The following HERC4 variants were observed in gnomAD, a reference collection of about 807,000 sequenced individuals.
The protein encoded by HERC4 is probable E3 ubiquitin-protein ligase HERC4.
A neutral mutation model predicts 124.3 loss-of-function variants in HERC4; 28 were observed. The ratio of observed to expected loss-of-function variants is 0.23; its 90% confidence interval spans 0.17 to 0.31. The LOEUF (loss-of-function observed/expected upper bound fraction) is 0.31, where lower values mean the gene tolerates loss of function less well. Among genes scored for constraint, HERC4 ranks in the 10% least tolerant of loss-of-function variants. The pLI is 1.00. For missense variants in HERC4, 713 were observed against 1,229.3 expected, an observed-to-expected ratio of 0.58 and a Z score of 6.28; for synonymous variants, 407 against 421.5, an observed-to-expected ratio of 0.97 and a Z score of 0.42.
chr10:68,026,835 C>T (rs977747066), intron 7 of HERC4, among the ~76,000 whole-genome samples: 6 of 149,750 alleles, frequency 4.0e-5, no homozygotes, highest in Admixed American at 2.0e-4. Flanking sequence ...AGAAAGACTC[C>T]GTCTCAAAAA....
intron 3 of HERC4, chr10:68,070,086 A>C: frequency 1.0e-6 from 1 of 984,882 alleles, no homozygotes; most frequent in African/African-American, 1.7e-5. Flanking sequence ...CCTCCTGGGA[A>C]ATGAACTATG....
intron 20 of HERC4, 51 bp from the exon 21 acceptor site, chr10:67,939,705 G>T: frequency 1.8e-6 from 2 of 1,083,006 alleles, no homozygotes; most frequent in Non-Finnish European, 2.7e-6. Flanking sequence ...TGGATATTTT[G>T]ACTATTTTAC....
At chr10:67,927,416 ATATATATATATATATTTTTT>A (rs1333971771) in intron 23 of HERC4, among the ~76,000 whole-genome samples, 43 of 8,972 alleles carry the variant, frequency 4.8e-3, no homozygotes, top group African/African-American at 0.016. Flanking sequence ...ATATATATAT[ATATATATATATATATTTTTT>A]TTTTTTTTTA....
chr10:68,000,251 G>A lies in HERC4; in HGVS notation c.1070-7569C>T, dbSNP rs774223535. Among the ~76,000 whole-genome samples, 3 of 151,984 alleles carry A rather than the reference G, an allele frequency of 2.0e-5. No homozygotes were observed. The East Asian group carries it at 5.8e-4, about 29-fold the overall frequency. ...GTAAAGATTAGCTCAGCAGGTTTGG[G>A]GTATTCCTATGGATTGAACTGGGTC... is the stretch of plus-strand genomic sequence containing the variant. On this transcript the variant is annotated intron_variant, in intron 9 of 24. Coordinates refer to ENST00000373700, the MANE Select transcript of HERC4 (RefSeq NM_015601.4).
At chr10:68,022,988 G>T (rs540607132) in intron 8 of HERC4, among the ~76,000 whole-genome samples, 1 of 151,368 alleles carries the variant, frequency 6.6e-6, no homozygotes, top group South Asian at 2.1e-4. Flanking sequence ...CATGTTACAC[G>T]TATTAAAATA....
chr10:68,054,686 T>C (rs1213234712), intron 3 of HERC4, among the ~76,000 whole-genome samples: 2 of 152,116 alleles, frequency 1.3e-5, no homozygotes, highest in East Asian at 3.8e-4. Context: ...TATTAATCAC[T>C]TGGGATTAGT....
At position 68,073,172 on chromosome 10, in the gene HERC4, G is replaced by A. The variant is rs2041650235; in HGVS notation, c.-64C>T. 1 of 1,278,334 alleles carries A rather than the reference G, an allele frequency of 7.8e-7. No individual in the cohort carries two copies. Among genetic ancestry groups the A allele is most frequent in the Non-Finnish European group, 1.1e-6 (1 of 897,034 alleles). 79.2% of individuals were successfully genotyped at this position (1,278,334 alleles called of 1,614,324 possible). A position where few individuals can be genotyped will look rare whatever the true frequency, so the allele number is the denominator to read the frequency against. On this transcript the variant is annotated 5_prime_UTR_variant, in exon 3 of 25. Coordinates refer to ENST00000373700, the MANE Select transcript of HERC4 (RefSeq NM_015601.4). ...TTCTCTTCTGAAACCCCGGAAAGTT[G>A]GAGGTACCCTATGTCTGAGGAAATA... is the stretch of plus-strand genomic sequence containing the variant.
intron 16 of HERC4, among the ~76,000 whole-genome samples, chr10:67,959,930 T>C (rs2034396697): frequency 6.6e-6 from 1 of 152,158 alleles, no homozygotes; most frequent in African/African-American, 2.4e-5. Context: ...CGGTGCCTTG[T>C]GTTGTGAGGA....
chr10:67,996,759 T>C (rs1025205138), intron 9 of HERC4, among the ~76,000 whole-genome samples: 1 of 151,598 alleles, frequency 6.6e-6, no homozygotes, highest in East Asian at 1.9e-4. Flanking sequence ...CCAAGGTGGG[T>C]GGATCATGAG....
intron 3 of HERC4, among the ~76,000 whole-genome samples, chr10:68,059,581 T>G (rs1312688573): frequency 1.9e-5 from 2 of 105,268 alleles, no homozygotes; most frequent in South Asian, 2.5e-4. Context: ...TATATCATAT[T>G]ATATATCATA....
At chr10:68,016,756 T>C (rs1027865929) in intron 8 of HERC4, among the ~76,000 whole-genome samples, 2 of 152,184 alleles carry the variant, frequency 1.3e-5, no homozygotes, top group Admixed American at 6.5e-5. Context: ...TCTCACTCAA[T>C]AGTCGAAATT....
chr10:67,958,523 C>T (rs892632020), intron 16 of HERC4, among the ~76,000 whole-genome samples: 31 of 152,146 alleles, frequency 2.0e-4, no homozygotes, highest in African/African-American at 7.0e-4. Context: ...CAACAAAATG[C>T]AAATCAAAGC....
chr10:68,065,963 C>T (rs2133822011), intron 3 of HERC4, among the ~76,000 whole-genome samples: 1 of 152,026 alleles, frequency 6.6e-6, no homozygotes, highest in South Asian at 2.1e-4. Context: ...TTAATTATTG[C>T]CTTTTAAATT....
At chr10:67,943,216 T>C (rs2033060777) in intron 19 of HERC4, among the ~76,000 whole-genome samples, 1 of 152,234 alleles carries the variant, frequency 6.6e-6, no homozygotes, top group Admixed American at 6.5e-5. Context: ...TATGTCTTAA[T>C]TCTGTTTAAG....
intron 3 of HERC4, among the ~76,000 whole-genome samples, chr10:68,064,109 G>A (rs1044243609): frequency 6.6e-6 from 1 of 152,002 alleles, no homozygotes; most frequent in Admixed American, 6.6e-5. Context: ...CAGGGATGGT[G>A]GCACACGCCT....
intron 3 of HERC4, chr10:68,069,331 G>A (rs1445216234): frequency 1.0e-6 from 1 of 981,878 alleles, no homozygotes; most frequent in East Asian, 1.1e-4. Context: ...AAGTTCTTAT[G>A]AAGAAAAAAA....
At position 67,967,395 on chromosome 10, in the gene HERC4, G is replaced by A. The variant is rs115467556; in HGVS notation, c.1807-593C>T. Among the ~76,000 whole-genome samples the A allele has an allele frequency of 5.4e-3, 823 of 151,988 alleles. 8 individuals are homozygous for A. Among genetic ancestry groups the A allele is most frequent in the African/African-American group, 0.019 (775 of 41,442 alleles). On this transcript the variant is annotated intron_variant, in intron 15 of 24. Transcript: ENST00000373700. ...GATATGTAATGATTAAACTGTATAC[G>A]GTATATATAAACTAGATACTATAAA...
At chr10:68,035,703 C>A (rs189007915) in intron 5 of HERC4, among the ~76,000 whole-genome samples, 6 of 152,130 alleles carry the variant, frequency 3.9e-5, no homozygotes, top group Admixed American at 1.3e-4. Flanking sequence ...ACTCACTATA[C>A]TCTAGCCGTA....
Position 68,061,981 on chromosome 10 carries a change from G to A in HERC4, c.226+10902C>T, listed in dbSNP as rs566931729. Reference sequence around the variant, plus strand: ...ATTTAGATTACTTTAAATTTACAACGGTATTATATCACCATGTGCCTTAAG... The same window carrying A: ...ATTTAGATTACTTTAAATTTACAACAGTATTATATCACCATGTGCCTTAAG... On this transcript the variant is annotated intron_variant, in intron 3 of 24. Coordinates refer to ENST00000373700, the MANE Select transcript of HERC4 (RefSeq NM_015601.4). Among the ~76,000 whole-genome samples, 106 of 150,596 alleles carry A rather than the reference G, an allele frequency of 7.0e-4. 1 individual carries two copies. Among genetic ancestry groups the A allele is most frequent in the Middle Eastern group, 6.9e-3 (2 of 290 alleles).
Sources: gnomAD v4.1 joint callset for allele counts (sites outside exome capture counted in the v4.1 genomes callset) on GRCh38, gnomAD v4.1.1 for gene constraint, MANE v1.5 for transcripts, NCBI Gene and HGNC (gene_info 2026-07-23, HGNC 2026-07-21) for gene names.